The following TPD52 variants were observed in gnomAD, a reference collection of about 807,000 sequenced individuals.
TPD52 encodes the protein prostate and colon associated protein.
Under a neutral mutation model 31.3 loss-of-function variants are expected in TPD52, and 17 were observed. That is an observed-to-expected ratio of 0.54 (90% CI 0.37 to 0.82). The LOEUF (loss-of-function observed/expected upper bound fraction) is 0.82, where lower values mean the gene tolerates loss of function less well. Ranked by LOEUF, TPD52 falls within the 40% of genes least tolerant of loss-of-function variation. The pLI is 0.00. For synonymous variants in TPD52, 83 were observed against 89.6 expected (o/e 0.93, Z 0.42); for missense variants, 212 against 240.1 (o/e 0.88, Z 0.77).
chr8:80,130,159 AGGT>A (rs1808923882), intron 1 of TPD52, among the ~76,000 whole-genome samples: 1 of 152,180 alleles, frequency 6.6e-6, no homozygotes. Context: ...GATGAAGAGG[AGGT>A]GGAGGGAAAG....
At chr8:80,123,856 T>C (rs1586345120) in intron 1 of TPD52, among the ~76,000 whole-genome samples, 1 of 152,100 alleles carries the variant, frequency 6.6e-6, no homozygotes, top group Admixed American at 6.5e-5. Flanking sequence ...GAGTTCAACA[T>C]CTGGAAAGAT....
At chr8:80,031,950 C>T (rs1241966344), downstream of TPD52, among the ~76,000 whole-genome samples, 1 of 151,964 alleles carries the variant, frequency 6.6e-6, no homozygotes, top group Non-Finnish European at 1.5e-5. Flanking sequence ...GTCAGGAGTT[C>T]GAGATCAGCC....
rs1461415214 is a variant in TPD52, at chr8:80,042,760, A to ATT, written c.456-94_456-93dup. On this transcript the variant is annotated intron_variant, in intron 6 of 7. Transcript: ENST00000518937. ...ATATAATTGATTCCTCTTCAACATT[A>ATT]TTCTCAATCGGCAAAAGAACAGATA... The ATT allele has an allele frequency of 1.3e-5, 15 of 1,175,752 alleles. No homozygotes were observed. In the African/African-American group the frequency reaches 1.8e-4, roughly 14 times the overall value. The allele number at this position is 1,175,752 out of a possible 1,614,324, so 72.8% of individuals were successfully genotyped here.
intron 5 of TPD52, among the ~76,000 whole-genome samples, chr8:80,048,626 C>G (rs981210854): frequency 1.3e-5 from 2 of 152,196 alleles, no homozygotes; most frequent in Non-Finnish European, 2.9e-5. Flanking sequence ...CTCTGTGACT[C>G]ACATAATCTA....
In TPD52 at chr8:80,092,258, T is replaced by G. The variant is rs377521496; in HGVS notation, c.20-27665A>C. On this transcript the variant is annotated intron_variant, in intron 1 of 7. Transcript: ENST00000518937. Reference sequence around the variant, plus strand: ...CTACACTGCTATCGAACATTAGAACTTATTCCTTCTAAGGTATGTTTGTAA... The same window carrying G: ...CTACACTGCTATCGAACATTAGAACGTATTCCTTCTAAGGTATGTTTGTAA... Among the ~76,000 whole-genome samples, 75 of 152,336 alleles carry G rather than the reference T, an allele frequency of 4.9e-4. 3 individuals carry two copies. In the South Asian group the frequency reaches 0.015, roughly 31 times the overall value.
chr8:80,107,172 A>T (rs1186357624), intron 1 of TPD52, among the ~76,000 whole-genome samples: 3 of 152,190 alleles, frequency 2.0e-5, no homozygotes, highest in Non-Finnish European at 4.4e-5. Flanking sequence ...TTTGAAAGCC[A>T]TTCCTAAAGT....
At chr8:80,086,874 C>CA (rs1219159471) in intron 1 of TPD52, among the ~76,000 whole-genome samples, 19 of 22,290 alleles carry the variant, frequency 8.5e-4, no homozygotes, top group Admixed American at 1.6e-3. Flanking sequence ...GACGCTGTCT[C>CA]AACAAAAAAA....
At chr8:80,111,934 G>A (rs995375435) in intron 1 of TPD52, among the ~76,000 whole-genome samples, 9 of 152,224 alleles carry the variant, frequency 5.9e-5, no homozygotes, top group Admixed American at 5.2e-4. Flanking sequence ...CATGCAATAT[G>A]TACAGTAAAC....
intron 1 of TPD52, among the ~76,000 whole-genome samples, chr8:80,125,006 T>G (rs1393813278): frequency 6.6e-6 from 1 of 152,180 alleles, no homozygotes; most frequent in Non-Finnish European, 1.5e-5. Flanking sequence ...TATCACCCAG[T>G]CAGCATCAGT....
chr8:80,090,673 G>GA (rs560531414), intron 1 of TPD52, among the ~76,000 whole-genome samples: 18 of 148,986 alleles, frequency 1.2e-4, no homozygotes, highest in East Asian at 5.9e-4. Context: ...CCCAATGGGG[G>GA]AAAAAAGACT....
At chr8:80,068,761 T>C (rs1222593585) in intron 1 of TPD52, among the ~76,000 whole-genome samples, 2 of 152,164 alleles carry the variant, frequency 1.3e-5, no homozygotes, top group Non-Finnish European at 2.9e-5. Context: ...CTGAGAGTTC[T>C]AGTGTCTCAG....
chr8:80,171,381 CGAG>C, intron 1 of TPD52, 41 bp downstream of exon 1: 1 of 1,584,138 alleles, frequency 6.3e-7, no homozygotes. Flanking sequence ...AGTCCAAGCC[CGAG>C]TCCAAGCCCG....
rs1586409180 is a variant in TPD52 at position 80,154,737 on chromosome 8, ACACACACACACAC to A, written c.19+16675_19+16687del. On this transcript the variant is annotated intron_variant, in intron 1 of 7. Coordinates refer to ENST00000518937, the MANE Select transcript of TPD52 (RefSeq NM_001025253.3). ...CACACACACACACACACACACACAC[ACACACACACACAC>A]ACAAAACACCTACATTAGCTTTGAA... 7.1e-5 allele frequency among the ~76,000 whole-genome samples: 10 copies of A among 141,108 alleles called. No individual in the cohort carries two copies. The East Asian group carries it at 9.9e-4, about 14-fold the overall frequency. The allele number at this position is 141,108 out of a possible 152,430, so 92.6% of individuals were successfully genotyped here. A position where few individuals can be genotyped will look rare whatever the true frequency, so the allele number is the denominator to read the frequency against.
intron 1 of TPD52, among the ~76,000 whole-genome samples, chr8:80,079,823 T>C (rs1815029198): frequency 6.6e-6 from 1 of 150,660 alleles, no homozygotes; most frequent in Admixed American, 6.6e-5. Flanking sequence ...AGTTTTTCTT[T>C]AAAAAAAAAA....
chr8:80,169,091 T>C (rs569984910), intron 1 of TPD52, among the ~76,000 whole-genome samples: 339 of 152,286 alleles, frequency 2.2e-3, no homozygotes, highest in African/African-American at 7.8e-3. Context: ...TTCTAGTGAT[T>C]CTCCTGCCTC....
chr8:80,044,734 C>G (rs141592106), intron 5 of TPD52, among the ~76,000 whole-genome samples: 1 of 152,140 alleles, frequency 6.6e-6, no homozygotes, highest in Non-Finnish European at 1.5e-5. Context: ...CCCATAAAGA[C>G]CACCTCATGA....
At chr8:80,043,852 G>A (rs1459180914) in intron 6 of TPD52, among the ~76,000 whole-genome samples, 1 of 152,268 alleles carries the variant, frequency 6.6e-6, no homozygotes, top group Admixed American at 6.5e-5. Context: ...AGCGAATGCA[G>A]ACAGAGGTGG....
At chr8:80,140,753 C>T (rs1809772128) in intron 1 of TPD52, among the ~76,000 whole-genome samples, 2 of 152,158 alleles carry the variant, frequency 1.3e-5, no homozygotes, top group South Asian at 4.1e-4. Context: ...GTTAGCTGCA[C>T]CGCACTCTAG....
At chr8:80,039,087 A>G (rs1384498618) in intron 7 of TPD52, among the ~76,000 whole-genome samples, 1 of 152,210 alleles carries the variant, frequency 6.6e-6, no homozygotes, top group Non-Finnish European at 1.5e-5. Flanking sequence ...AGTGGGTTTG[A>G]ACTTGACCTT....
Sources: allele counts gnomAD v4.1 joint callset (sites outside exome capture counted in the v4.1 genomes callset), GRCh38; gene constraint gnomAD v4.1.1; transcripts MANE v1.5; gene names NCBI Gene and HGNC (gene_info 2026-07-23, HGNC 2026-07-21).